Variants in VWA3B observed in about 807,000 individuals in gnomAD.
VWA3B encodes von Willebrand factor A domain containing 3B.
VWA3B carries 138 observed loss-of-function variants against 158.3 expected under a neutral mutation model. The observed-to-expected ratio is 0.87, with a 90% CI of 0.76 to 1.00. The LOEUF (loss-of-function observed/expected upper bound fraction) is 1.00. VWA3B is among the 50% of genes least tolerant of loss of function. The probability of loss-of-function intolerance (pLI) is 0.00; values close to 1 mark genes in which losing one functional copy is unlikely to be tolerated. For missense variants in VWA3B, 1,555 were observed against 1,565.1 expected (o/e 0.99, Z 0.11); for synonymous variants, 596 against 587.3 (o/e 1.01, Z -0.21).
intron 12 of VWA3B, among the ~76,000 whole-genome samples, chr2:98,202,905 T>C (rs1682682437): frequency 6.6e-6 from 1 of 152,168 alleles, no homozygotes; most frequent in Admixed American, 6.5e-5. Flanking sequence ...TGATCTCGGC[T>C]CACTGCAACC....
At chr2:98,270,954 G>C (rs1030293386) in intron 22 of VWA3B, 71 bp downstream of exon 22, 37 of 1,491,346 alleles carry the variant, frequency 2.5e-5, no homozygotes, top group Admixed American at 9.2e-5. Context: ...TCCTACATTG[G>C]CTTCCTTCTC....
intron 22 of VWA3B, among the ~76,000 whole-genome samples, chr2:98,280,731 G>A (rs779519040): frequency 6.6e-6 from 1 of 152,158 alleles, no homozygotes; most frequent in Non-Finnish European, 1.5e-5. Flanking sequence ...GGGGAGGCGG[G>A]GGAAAACCTC....
At chr2:98,207,544 C>T in intron 12 of VWA3B, 1 of 520,784 alleles carries the variant, frequency 1.9e-6, no homozygotes. Context: ...CTTGTCTCAG[C>T]CATTCCAGGC....
Position 98,230,003 on chromosome 2 carries a change from CTT to C in VWA3B, c.2151-44_2151-43del, listed in dbSNP as rs1558702128. The C allele has an allele frequency of 2.6e-6, 4 of 1,520,428 alleles. No individual in the cohort carries two copies. In the South Asian group the frequency reaches 4.1e-5, roughly 16 times the overall value. 94.2% of individuals were successfully genotyped at this position (1,520,428 alleles called of 1,614,324 possible). A position where few individuals can be genotyped will look rare whatever the true frequency, so the allele number is the denominator to read the frequency against. ...ACTCTGCCTTCTTGATGGAAATTTT[CTT>C]TTCTCTCTCTTTTTTTGCTCGACTT... On this transcript the variant is annotated intron_variant, in intron 15 of 27. Transcript: ENST00000477737.
chr2:98,104,518 G>C (rs1026663196), intron 2 of VWA3B, among the ~76,000 whole-genome samples: 1 of 152,162 alleles, frequency 6.6e-6, no homozygotes, highest in Admixed American at 6.5e-5. Flanking sequence ...CCATTCATGA[G>C]GGATCTGTCG....
chr2:98,096,574 A>G (rs1682729373), intron 2 of VWA3B, among the ~76,000 whole-genome samples: 1 of 152,140 alleles, frequency 6.6e-6, no homozygotes, highest in African/African-American at 2.4e-5. Flanking sequence ...CAGCCAGGAG[A>G]TTTTTTATTA....
chr2:98,309,949 G>A (rs72819905), intron 26 of VWA3B, among the ~76,000 whole-genome samples: 2 of 152,118 alleles, frequency 1.3e-5, no homozygotes, highest in Admixed American at 6.5e-5. Flanking sequence ...AGAAGGACAC[G>A]TGCCGTTGCT....
At chr2:98,225,437 A>C (rs994944183) in intron 14 of VWA3B, among the ~76,000 whole-genome samples, 1 of 152,228 alleles carries the variant, frequency 6.6e-6, no homozygotes, top group African/African-American at 2.4e-5. Context: ...CAAAATAGAA[A>C]TAGAAGAGAA....
chr2:98,234,210 G>A (rs1249428205), intron 16 of VWA3B, among the ~76,000 whole-genome samples: 1 of 152,248 alleles, frequency 6.6e-6, no homozygotes, highest in East Asian at 1.9e-4. Flanking sequence ...GTGAAAAGCA[G>A]GGGCTATTTC....
In VWA3B at chr2:98,102,568, G is replaced by A. The variant is rs796341113; in HGVS notation, c.196+9280G>A. Among the ~76,000 whole-genome samples, 50 of 152,250 alleles carry A rather than the reference G, an allele frequency of 3.3e-4. 1 individual carries two copies. Among genetic ancestry groups the A allele is most frequent in the African/African-American group, 1.0e-3 (42 of 41,550 alleles). The stretch of plus-strand genomic sequence containing the variant: ...TCCTCACTTCCCAGATGGGGCGGCC[G>A]GCCCTTATTTCAAATAAACCTAATT... On this transcript the variant is annotated intron_variant, in intron 2 of 27. Transcript: ENST00000477737.
rs538116755 is a variant in VWA3B, at chr2:98,161,345, G to A, written c.989-1506G>A. On this transcript the variant is annotated intron_variant, in intron 7 of 27. Transcript: ENST00000477737. ...TTGCTGCCAGATGGGGCTGCGTGAT[G>A]CCATTCTGGCAGTGGCTAAGTAATG... 7.7e-4 allele frequency among the ~76,000 whole-genome samples: 118 copies of A among 152,350 alleles called. 1 individual carries two copies. The highest frequency in any genetic ancestry group is 2.5e-3 in the African/African-American group (104 of 41,586).
intron 2 of VWA3B, among the ~76,000 whole-genome samples, chr2:98,100,274 G>A (rs1164932883): frequency 1.3e-5 from 2 of 152,206 alleles, no homozygotes; most frequent in African/African-American, 2.4e-5. Flanking sequence ...TGGTCCCTAA[G>A]CATGTGACCA....
intron 14 of VWA3B, among the ~76,000 whole-genome samples, chr2:98,226,197 A>G (rs1484481381): frequency 1.3e-5 from 2 of 152,260 alleles, no homozygotes; most frequent in African/African-American, 4.8e-5. Context: ...ATGTAGCTGC[A>G]TTCATCAAGA....
chr2:98,206,836 TCTGGGTTTG>T, intron 12 of VWA3B: 2 of 381,524 alleles, frequency 5.2e-6, no homozygotes, highest in Non-Finnish European at 1.0e-5. Flanking sequence ...TGGTGCTTAA[TCTGGGTTTG>T]CTGGTGTTTT....
At chr2:98,162,627 A>G (rs1195559514) in intron 7 of VWA3B, among the ~76,000 whole-genome samples, 1 of 152,216 alleles carries the variant, frequency 6.6e-6, no homozygotes, top group African/African-American at 2.4e-5. Context: ...TTACTTTAGA[A>G]GGATTTATTG....
chr2:98,194,554 A>C, intron 12 of VWA3B, 62 bp downstream of exon 12: 5 of 1,571,810 alleles, frequency 3.2e-6, no homozygotes, highest in Non-Finnish European at 4.3e-6. Context: ...TACTGAGTTC[A>C]TTCACAGGAC....
downstream of VWA3B, chr2:98,313,352 T>G (rs1434170002): frequency 6.6e-6 from 1 of 151,160 alleles, no homozygotes; most frequent in African/African-American, 2.4e-5. Context: ...AGGAAGGAAC[T>G]GAAGAGTGAG....
At position 98,268,752 on chromosome 2, in the gene VWA3B, C is replaced by T. The variant is rs1177316989; in HGVS notation, c.2844-1930C>T. Among the ~76,000 whole-genome samples, 8 of 150,412 alleles carry T rather than the reference C, an allele frequency of 5.3e-5. No individual in the cohort carries two copies. The South Asian group carries it at 1.5e-3, about 28-fold the overall frequency. On this transcript the variant is annotated intron_variant, in intron 21 of 27. Transcript: ENST00000477737. ...TTCAAGAATTGCTTAAATTCTGATACCCAGATTTAAGCATGTGAACATATG... is the reference window on the plus strand; with the variant it reads ...TTCAAGAATTGCTTAAATTCTGATATCCAGATTTAAGCATGTGAACATATG...
At chr2:98,139,097 G>A (rs569501545) in intron 7 of VWA3B, among the ~76,000 whole-genome samples, 1 of 152,346 alleles carries the variant, frequency 6.6e-6, no homozygotes, top group Non-Finnish European at 1.5e-5. Context: ...CGCACTCGGA[G>A]CAGCCGGCCG....
Sources: allele counts gnomAD v4.1 joint callset (sites outside exome capture counted in the v4.1 genomes callset), GRCh38; gene constraint gnomAD v4.1.1; transcripts MANE v1.5; gene names NCBI Gene and HGNC (gene_info 2026-07-23, HGNC 2026-07-21).